Variants in ADD3 observed in about 807,000 individuals in gnomAD.
ADD3 encodes gamma-adducin.
A neutral mutation model predicts 80.2 loss-of-function variants in ADD3; 25 were observed. The observed-to-expected ratio is 0.31, with a 90% CI of 0.23 to 0.44. The LOEUF is 0.44. ADD3 is among the 20% of genes least tolerant of loss of function. The probability of loss-of-function intolerance (pLI) is 1.00; values close to 1 mark genes in which losing one functional copy is unlikely to be tolerated. For synonymous variants in ADD3, 284 were observed against 289.6 expected (o/e 0.98, Z 0.20); for missense variants, 829 against 847.5 (o/e 0.98, Z 0.27).
intron 1 of ADD3, among the ~76,000 whole-genome samples, chr10:110,028,068 T>C (rs1424814990): frequency 6.6e-6 from 1 of 152,176 alleles, no homozygotes; most frequent in African/African-American, 2.4e-5. Context: ...ATACATAGAA[T>C]TGGGGTTAAA....
intron 1 of ADD3, among the ~76,000 whole-genome samples, chr10:110,046,618 T>C (rs549716671): frequency 2.2e-4 from 33 of 152,242 alleles, no homozygotes; most frequent in African/African-American, 7.9e-4. Flanking sequence ...GAGCCAAGGG[T>C]ATTCAAATTC....
chr10:110,059,982 G>A (rs375642262), intron 1 of ADD3, among the ~76,000 whole-genome samples: 9 of 152,064 alleles, frequency 5.9e-5, no homozygotes, highest in Non-Finnish European at 1.5e-5. Context: ...CTGACACCTC[G>A]TCAAGGCTAC....
intron 13 of ADD3, among the ~76,000 whole-genome samples, chr10:110,131,554 A>T (rs1852997305): frequency 6.6e-6 from 1 of 152,244 alleles, no homozygotes; most frequent in South Asian, 2.1e-4. Flanking sequence ...TCCATGTTAG[A>T]TATCATTTAG....
intron 2 of ADD3, among the ~76,000 whole-genome samples, chr10:110,101,842 C>T (rs1253870384): frequency 6.6e-6 from 1 of 152,046 alleles, no homozygotes; most frequent in East Asian, 1.9e-4. Context: ...TCATGCACCC[C>T]TAAGACAGAG....
At chr10:110,014,532 A>T (rs1203205120) in intron 1 of ADD3, among the ~76,000 whole-genome samples, 1 of 151,506 alleles carries the variant, frequency 6.6e-6, no homozygotes, top group African/African-American at 2.4e-5. Context: ...TTTTATTTTT[A>T]TTTTTTTTGA....
intron 1 of ADD3, among the ~76,000 whole-genome samples, chr10:110,060,262 C>G (rs547896035): frequency 6.6e-6 from 1 of 152,106 alleles, no homozygotes; most frequent in Admixed American, 6.6e-5. Context: ...AATATATTAA[C>G]GTTTATTCCA....
At chr10:110,002,380 T>G (rs1253828207), upstream of ADD3, among the ~76,000 whole-genome samples, 1 of 151,750 alleles carries the variant, frequency 6.6e-6, no homozygotes, top group African/African-American at 2.4e-5. Flanking sequence ...TTCACGCCAT[T>G]CTCCTGCCTC....
Position 110,126,789 on chromosome 10 carries a change from C to G in ADD3, c.1608+286C>G, listed in dbSNP as rs144675469. 2.8e-3 allele frequency among the ~76,000 whole-genome samples: 421 copies of G among 152,292 alleles called. 3 individuals are homozygous for G. Among genetic ancestry groups the G allele is most frequent in the African/African-American group, 9.6e-3 (399 of 41,566 alleles). On this transcript the variant is annotated intron_variant, in intron 12 of 14. Coordinates refer to ENST00000356080, the MANE Select transcript of ADD3 (RefSeq NM_016824.5). ...TGAACACCTGATCTCAGGTGATCCT[C>G]CAGCCTTGACCTCCTGAAGTATTGG... is the stretch of plus-strand genomic sequence containing the variant.
chr10:110,004,065 G>T (rs1050913097), upstream of ADD3, among the ~76,000 whole-genome samples: 6 of 152,020 alleles, frequency 3.9e-5, no homozygotes, highest in Non-Finnish European at 5.9e-5. Flanking sequence ...TTGCGGGGAG[G>T]GGATGTGGGG....
intron 1 of ADD3, among the ~76,000 whole-genome samples, chr10:110,012,729 G>C (rs1409593672): frequency 6.6e-6 from 1 of 151,786 alleles, no homozygotes; most frequent in Admixed American, 6.6e-5. Context: ...TGTACAAGAT[G>C]TATAGGCCTT....
At chr10:110,116,679 A>G (rs901940924) in intron 4 of ADD3, among the ~76,000 whole-genome samples, 1 of 152,214 alleles carries the variant, frequency 6.6e-6, no homozygotes, top group African/African-American at 2.4e-5. Context: ...CCTTCTGGCA[A>G]AATTGTCCCT....
intron 1 of ADD3, among the ~76,000 whole-genome samples, chr10:110,013,731 C>A (rs969968021): frequency 4.6e-5 from 7 of 152,124 alleles, no homozygotes; most frequent in African/African-American, 1.7e-4. Context: ...CTTTCCCCTC[C>A]CTCACCAAAG....
Position 110,122,197 on chromosome 10 carries a change from G to A in ADD3, c.1048G>A (p.Ala350Thr). The change falls in exon 9 of 15, where the codon GCG (alanine) becomes ACG (threonine). Residue 350 changes from alanine (A) to threonine (T), a missense_variant. By Grantham distance (58) the Ala-to-Thr change is moderately conservative. Coordinates refer to ENST00000356080, the MANE Select transcript of ADD3 (RefSeq NM_016824.5). ...KYKAFTYTVA[A>T]SGGGGVNMGS... ...TAAAGCTTTCACTTACACTGTAGCAGCGTCTGGTGGAGGAGGTGTGAATAT... is the reference window on the plus strand; with the variant it reads ...TAAAGCTTTCACTTACACTGTAGCAACGTCTGGTGGAGGAGGTGTGAATAT... 1 of 1,614,178 alleles carries A rather than the reference G, an allele frequency of 6.2e-7. No homozygotes were observed. The highest frequency in any genetic ancestry group is 1.7e-5 in the Admixed American group (1 of 60,022).
At chr10:110,093,380 T>G (rs1249287938) in intron 1 of ADD3, among the ~76,000 whole-genome samples, 1 of 152,192 alleles carries the variant, frequency 6.6e-6, no homozygotes, top group African/African-American at 2.4e-5. Context: ...CAACAGGATA[T>G]TTTTCTGAGG....
At chr10:110,121,944 A>G (rs1164192965) in intron 8 of ADD3, 166 bp from the exon 9 acceptor site, 3 of 503,146 alleles carry the variant, frequency 6.0e-6, no homozygotes, top group Non-Finnish European at 1.0e-5. Context: ...TGGAAAAGAT[A>G]CTTCAGCTGT....
At chr10:110,010,392 C>T (rs192214311) in intron 1 of ADD3, among the ~76,000 whole-genome samples, 242 of 152,304 alleles carry the variant, frequency 1.6e-3, no homozygotes, top group Admixed American at 2.7e-3. Flanking sequence ...GGGAAGAAAT[C>T]ACATAAAAGC....
chr10:110,033,087 T>TA (rs1199751480), intron 1 of ADD3, among the ~76,000 whole-genome samples: 2 of 152,352 alleles, frequency 1.3e-5, no homozygotes, highest in East Asian at 3.9e-4. Flanking sequence ...ACCTGACTTT[T>TA]ATAGGTCGAT....
At chr10:110,067,070 A>G (rs777640433) in intron 1 of ADD3, among the ~76,000 whole-genome samples, 1 of 152,258 alleles carries the variant, frequency 6.6e-6, no homozygotes, top group Non-Finnish European at 1.5e-5. Flanking sequence ...CTTTTGTATT[A>G]TGGTGAAAGC....
At chr10:110,051,344 A>G (rs1489489687) in intron 1 of ADD3, among the ~76,000 whole-genome samples, 1 of 152,222 alleles carries the variant, frequency 6.6e-6, no homozygotes, top group African/African-American at 2.4e-5. Context: ...ATCTGGAGAA[A>G]TTAGAAACTG....
Sources: allele counts gnomAD v4.1 joint callset (sites outside exome capture counted in the v4.1 genomes callset), GRCh38; gene constraint gnomAD v4.1.1; transcripts MANE v1.5; gene names NCBI Gene and HGNC (gene_info 2026-07-23, HGNC 2026-07-21).